TG: variants seen among roughly 807,000 people sequenced by gnomAD.
The protein encoded by TG is thyroid hormones.
A neutral mutation model predicts 324.7 loss-of-function variants in TG; 270 were observed. The ratio of observed to expected loss-of-function variants is 0.83; its 90% CI spans 0.75 to 0.92. TG has a LOEUF of 0.92. Ranked by LOEUF, TG falls within the 40% of genes least tolerant of loss-of-function variation. The pLI is 0.00. For synonymous variants in TG, 1,401 were observed against 1,327.0 expected, an observed-to-expected ratio of 1.06 and a Z score of -1.21; for missense variants, 3,591 against 3,456.4, an observed-to-expected ratio of 1.04 and a Z score of -0.98.
chr8:133,024,587 G>C (rs1050186067), intron 40 of TG, among the ~76,000 whole-genome samples: 17 of 150,870 alleles, frequency 1.1e-4, no homozygotes, highest in Admixed American at 1.1e-3. Context: ...AGGCCGTGGT[G>C]TGTGTTGTTT....
At chr8:133,042,297 C>T (rs1419189201) in intron 41 of TG, among the ~76,000 whole-genome samples, 1 of 152,174 alleles carries the variant, frequency 6.6e-6, no homozygotes, top group Non-Finnish European at 1.5e-5. Context: ...CTACATGGCT[C>T]ATCAGAATGC....
intron 42 of TG, 57 bp downstream of exon 42, chr8:133,095,265 A>T: frequency 6.2e-7 from 1 of 1,612,620 alleles, no homozygotes; most frequent in Non-Finnish European, 8.5e-7. Context: ...ACAAATAGAA[A>T]ATGAAGACCT....
chr8:133,104,223 C>G (rs893652441), intron 43 of TG, among the ~76,000 whole-genome samples: 2 of 152,136 alleles, frequency 1.3e-5, no homozygotes, highest in Non-Finnish European at 2.9e-5. Context: ...TGAAGAAGAC[C>G]AGTTATGAGA....
chr8:133,074,005 G>T (rs149287020), intron 41 of TG, among the ~76,000 whole-genome samples: 2 of 152,182 alleles, frequency 1.3e-5, no homozygotes, highest in African/African-American at 4.8e-5. Context: ...CCCATGCACA[G>T]CCCCAAATGA....
At chr8:133,122,238 G>A (rs1219500059) in intron 45 of TG, among the ~76,000 whole-genome samples, 1 of 152,126 alleles carries the variant, frequency 6.6e-6, no homozygotes, top group Non-Finnish European at 1.5e-5. Flanking sequence ...TGAAATTGAG[G>A]GCAAACTTCT....
At chr8:133,017,463 C>T (rs1428084341) in intron 37 of TG, among the ~76,000 whole-genome samples, 1 of 152,092 alleles carries the variant, frequency 6.6e-6, no homozygotes, top group Non-Finnish European at 1.5e-5. Context: ...CTGTTTGCTT[C>T]TCTGTTCTTT....
intron 38 of TG, 28 bp downstream of exon 38, chr8:133,018,025 T>C (rs768285470): frequency 1.3e-4 from 208 of 1,605,144 alleles, no homozygotes; most frequent in Non-Finnish European, 1.7e-4. Context: ...CACATCTTGG[T>C]AAATGCTCAG....
intron 22 of TG, 84 bp from the exon 23 acceptor site, chr8:132,928,992 G>C (rs918985246): frequency 1.8e-6 from 2 of 1,131,174 alleles, no homozygotes; most frequent in South Asian, 2.5e-5. Context: ...GGTATTGACT[G>C]CTTGACCTAA....
Position 132,969,541 on chromosome 8 carries a change from C to T in TG, c.5947C>T (p.Pro1983Ser), listed in dbSNP as rs1829165201. 1.9e-6 allele frequency: 3 copies of T among 1,613,266 alleles called. No individual in the cohort carries two copies. The highest frequency in any genetic ancestry group is 2.5e-6 in the Non-Finnish European group (3 of 1,179,294). ...LMGISIRNKVPMSEKSISNGF... is the reference protein window; with the variant it reads ...LMGISIRNKVSMSEKSISNGF... ...GGGGATATCCATTAGAAATAAAGTG[C>T]CCATGTCTGAAAAATCTATTTCTAA... The change falls in exon 32 of 48, where the codon CCC becomes TCC. Residue 1983 changes from proline to serine, a missense_variant. Pro to Ser is a moderately conservative substitution (Grantham distance 74). Coordinates refer to ENST00000220616, the MANE Select transcript of TG (RefSeq NM_003235.5).
intron 41 of TG, chr8:133,073,382 TTTCGC>T (rs1844365097): frequency 6.6e-6 from 1 of 152,154 alleles, no homozygotes; most frequent in African/African-American, 2.4e-5. Flanking sequence ...TTAGATGAAG[TTTCGC>T]TATTGTTGCC....
intron 41 of TG, among the ~76,000 whole-genome samples, chr8:133,030,418 A>T (rs1043889100): frequency 2.0e-5 from 3 of 152,176 alleles, no homozygotes; most frequent in African/African-American, 4.8e-5. Flanking sequence ...GGTGATGAGG[A>T]GGAGGATGAT....
chr8:132,957,823 G>A (rs1378681026), intron 27 of TG, among the ~76,000 whole-genome samples: 2 of 147,656 alleles, frequency 1.4e-5, no homozygotes, highest in Non-Finnish European at 3.0e-5. Context: ...ACTGGGGTAA[G>A]GTGGTGTTTG....
intron 22 of TG, among the ~76,000 whole-genome samples, chr8:132,925,929 AC>A (rs1339365487): frequency 1.3e-5 from 2 of 152,242 alleles, no homozygotes; most frequent in Non-Finnish European, 2.9e-5. Context: ...AGCTTTGACA[AC>A]TTTGATGATG....
intron 40 of TG, among the ~76,000 whole-genome samples, chr8:133,028,694 C>T (rs1381803997): frequency 1.3e-5 from 2 of 152,192 alleles, no homozygotes; most frequent in Non-Finnish European, 2.9e-5. Context: ...CCCCTCAAGG[C>T]TGTAAGTGGT....
At chr8:133,031,499 G>A (rs1219282832) in intron 41 of TG, among the ~76,000 whole-genome samples, 2 of 152,122 alleles carry the variant, frequency 1.3e-5, no homozygotes, top group Non-Finnish European at 2.9e-5. Context: ...TCTTAAAGCT[G>A]GGTGAAGAAT....
chr8:132,960,584 G>T (rs769468001), intron 27 of TG, among the ~76,000 whole-genome samples: 2 of 152,206 alleles, frequency 1.3e-5, no homozygotes, highest in Non-Finnish European at 2.9e-5. Flanking sequence ...GACTGCAGAG[G>T]ATAGTTTATA....
intron 35 of TG, among the ~76,000 whole-genome samples, chr8:132,992,137 T>C (rs1336845442): frequency 6.6e-6 from 1 of 152,110 alleles, no homozygotes; most frequent in African/African-American, 2.4e-5. Context: ...AAGCATTTGG[T>C]GGGTACCTAC....
chr8:133,109,980 A>G (rs534711014), intron 43 of TG, among the ~76,000 whole-genome samples: 1 of 152,274 alleles, frequency 6.6e-6, no homozygotes, highest in East Asian at 1.9e-4. Context: ...CAGAGAGAGA[A>G]AGCCACTCTC....
At chr8:132,965,415 A>G (rs1828404633) in intron 29 of TG, among the ~76,000 whole-genome samples, 1 of 152,242 alleles carries the variant, frequency 6.6e-6, no homozygotes, top group African/African-American at 2.4e-5. Context: ...GCTGCTGACA[A>G]GCACTACAAG....
Sources: allele counts gnomAD v4.1 joint callset (sites outside exome capture counted in the v4.1 genomes callset), GRCh38; gene constraint gnomAD v4.1.1; transcripts MANE v1.5; gene names NCBI Gene and HGNC (gene_info 2026-07-23, HGNC 2026-07-21).